The following CCDC30 variants were observed in gnomAD, a reference collection of about 807,000 sequenced individuals.
The protein encoded by CCDC30 is coiled-coil domain containing 30, also known as coiled-coil domain-containing protein 30.
Under a neutral mutation model 100.2 loss-of-function variants are expected in CCDC30, and 70 were observed. The observed-to-expected ratio is 0.70, with a 90% CI of 0.58 to 0.85. The LOEUF (loss-of-function observed/expected upper bound fraction) is 0.85. Ranked by LOEUF, CCDC30 falls within the 40% of genes least tolerant of loss-of-function variation. The pLI is 0.00. For synonymous variants in CCDC30, 233 were observed against 269.5 expected, an observed-to-expected ratio of 0.86 and a Z score of 1.33; for missense variants, 652 against 771.2, an observed-to-expected ratio of 0.85 and a Z score of 1.83.
intron 1 of CCDC30, among the ~76,000 whole-genome samples, chr1:42,469,653 AAAG>A (rs1643702736): frequency 6.6e-6 from 1 of 152,208 alleles, no homozygotes; most frequent in African/African-American, 2.4e-5. Flanking sequence ...GAATACAGGT[AAAG>A]GGATTAACCT....
intron 11 of CCDC30, among the ~76,000 whole-genome samples, chr1:42,616,198 G>A (rs1330072309): frequency 2.6e-5 from 4 of 152,226 alleles, no homozygotes; most frequent in African/African-American, 4.8e-5. Context: ...TTACAGGCAT[G>A]AGCCACTGTG....
intron 6 of CCDC30, among the ~76,000 whole-genome samples, chr1:42,550,203 A>T (rs1645221485): frequency 6.6e-6 from 1 of 152,060 alleles, no homozygotes; most frequent in Non-Finnish European, 1.5e-5. Flanking sequence ...AAAATATTGA[A>T]TCTGTTCACT....
intron 6 of CCDC30, among the ~76,000 whole-genome samples, chr1:42,543,320 C>G (rs1400544636): frequency 2.0e-5 from 3 of 149,426 alleles, no homozygotes; most frequent in African/African-American, 7.4e-5. Flanking sequence ...TCCTTCCTAC[C>G]TTGCTTTCTT....
intron 9 of CCDC30, among the ~76,000 whole-genome samples, chr1:42,588,749 C>G (rs967880921): frequency 6.6e-6 from 1 of 152,116 alleles, no homozygotes; most frequent in Non-Finnish European, 1.5e-5. Flanking sequence ...AAGAGAAAAG[C>G]CTCTTCTAGC....
chr1:42,537,285 CTGGAAGTGAGTTCA>C (rs1557834354), intron 6 of CCDC30: 1 of 455,936 alleles, frequency 2.2e-6, no homozygotes, highest in East Asian at 6.9e-5. Flanking sequence ...GAAAAGAGAC[CTGGAAGTGAGTTCA>C]TGGAAGTCTA....
intron 6 of CCDC30, among the ~76,000 whole-genome samples, chr1:42,503,267 T>C (rs572577162): frequency 1.3e-5 from 2 of 152,032 alleles, no homozygotes; most frequent in African/African-American, 4.8e-5. Context: ...GAGACACACG[T>C]GGGTGGGCTA....
chr1:42,545,094 T>G (rs1426852199), intron 6 of CCDC30, among the ~76,000 whole-genome samples: 12 of 147,082 alleles, frequency 8.2e-5, no homozygotes, highest in Admixed American at 7.8e-4. Context: ...TATTTGTGCT[T>G]GTTAAAAGGT....
intron 3 of CCDC30, among the ~76,000 whole-genome samples, chr1:42,489,264 G>C (rs1644099371): frequency 6.6e-6 from 1 of 152,132 alleles, no homozygotes; most frequent in African/African-American, 2.4e-5. Flanking sequence ...TCTGAGTCTT[G>C]TTTATCTCAT....
intron 1 of CCDC30, among the ~76,000 whole-genome samples, chr1:42,469,678 A>G (rs1643703923): frequency 6.6e-6 from 1 of 152,148 alleles, no homozygotes; most frequent in African/African-American, 2.4e-5. Flanking sequence ...GATCAGGAGG[A>G]TGGGAAGCTC....
chr1:42,510,703 G>A (rs574992707), intron 6 of CCDC30, among the ~76,000 whole-genome samples: 141 of 151,722 alleles, frequency 9.3e-4, no homozygotes, highest in African/African-American at 3.1e-3. Flanking sequence ...TATCAGCATC[G>A]TCAGAAAATT....
intron 9 of CCDC30, among the ~76,000 whole-genome samples, chr1:42,585,457 G>T (rs1285237389): frequency 1.3e-5 from 2 of 151,786 alleles, no homozygotes; most frequent in Non-Finnish European, 2.9e-5. Context: ...CTGGCTAGAG[G>T]TTTATCTATT....
chr1:42,459,552 G>T (rs561964772), upstream of CCDC30: 18 of 1,432,534 alleles, frequency 1.3e-5, no homozygotes, highest in East Asian at 3.9e-4. Flanking sequence ...AGATTGACCT[G>T]GTAGGTAATG....
intron 4 of CCDC30, among the ~76,000 whole-genome samples, chr1:42,491,543 A>T (rs1000926059): frequency 7.2e-5 from 11 of 152,098 alleles, no homozygotes; most frequent in Non-Finnish European, 1.6e-4. Context: ...CTAGTATTTG[A>T]TAGCACAACA....
At chr1:42,509,499 ACTTAGCACAGAAGACAGTCAC>A (rs1644445095) in intron 6 of CCDC30, among the ~76,000 whole-genome samples, 1 of 152,194 alleles carries the variant, frequency 6.6e-6, no homozygotes, top group Non-Finnish European at 1.5e-5. Context: ...CCAGGAACTG[ACTTAGCACAGAAGACAGTCAC>A]CATTTTACAA....
At chr1:42,632,661 G>A (rs1647061891) in intron 11 of CCDC30, among the ~76,000 whole-genome samples, 1 of 151,772 alleles carries the variant, frequency 6.6e-6, no homozygotes. Context: ...TTGGGAGGCT[G>A]AGGCAGGAGA....
chr1:42,534,071 A>T (rs1037240434), intron 6 of CCDC30: 3 of 152,226 alleles, frequency 2.0e-5, no homozygotes, highest in African/African-American at 7.2e-5. Flanking sequence ...GGGCTCATTA[A>T]GTATATAAAT....
chr1:42,530,030 A>C (rs1261376906), intron 6 of CCDC30, among the ~76,000 whole-genome samples: 1 of 152,198 alleles, frequency 6.6e-6, no homozygotes, highest in African/African-American at 2.4e-5. Context: ...CAGTGCACCT[A>C]CAACATACAC....
chr1:42,637,240 C>T (rs778833618), exon 12 of CCDC30: 22 of 1,580,470 alleles, frequency 1.4e-5, no homozygotes, highest in East Asian at 9.0e-5. Flanking sequence ...TTTATAGAAA[C>T]TATAATGAGA....
chr1:42,628,848 A>T (rs541478360), intron 11 of CCDC30, among the ~76,000 whole-genome samples: 1 of 152,190 alleles, frequency 6.6e-6, no homozygotes, highest in East Asian at 1.9e-4. Context: ...ACACTATCTT[A>T]TAGCTAATTA....
Sources: allele counts gnomAD v4.1 joint callset (sites outside exome capture counted in the v4.1 genomes callset), GRCh38; gene constraint gnomAD v4.1.1; transcripts MANE v1.5; gene names NCBI Gene and HGNC (gene_info 2026-07-23, HGNC 2026-07-21).